Variants in SULF1 observed in about 807,000 individuals in gnomAD.
SULF1 encodes extracellular sulfatase Sulf-1.
SULF1 carries 46 observed loss-of-function variants against 110.5 expected under a neutral mutation model. The ratio of observed to expected loss-of-function variants is 0.42; its 90% CI spans 0.33 to 0.53. The LOEUF (loss-of-function observed/expected upper bound fraction) is 0.53. SULF1 is among the 20% of genes least tolerant of loss of function. The pLI is 0.12. For synonymous variants in SULF1, 371 were observed against 387.1 expected (o/e 0.96, Z 0.49); for missense variants, 941 against 1,094.2 (o/e 0.86, Z 1.98).
chr8:69,628,176 A>G lies in SULF1; in HGVS notation c.2048A>G (p.Tyr683Cys), dbSNP rs1353026539. The G allele has an allele frequency of 6.2e-7, 1 of 1,612,858 alleles. No individual in the cohort carries two copies. The highest frequency in any genetic ancestry group is 8.5e-7 in the Non-Finnish European group (1 of 1,178,786). ...EECSCSKQSY[Y>C]NKEKGVKKQE... ...TTTAATCTTCTCTCCTGCAGCTATT[A>G]CAATAAAGAGAAAGGTGTAAAAAAG... Residue 683 changes from tyrosine (Y) to cysteine (C), a missense_variant, in exon 18 of 23, where the codon TAC becomes TGC. This residue lies in a region of SULF1 where 822 missense variants were observed against 934.3 expected (regional missense o/e 0.88). Coordinates refer to ENST00000402687, the MANE Select transcript of SULF1 (RefSeq NM_001128205.2).
At chr8:69,578,275 G>A (rs1805768735) in intron 6 of SULF1, among the ~76,000 whole-genome samples, 1 of 152,110 alleles carries the variant, frequency 6.6e-6, no homozygotes, top group Admixed American at 6.5e-5. Flanking sequence ...TATTTTTAGA[G>A]GAGCAAATTT....
At chr8:69,560,108 A>T (rs764208273) in intron 3 of SULF1, among the ~76,000 whole-genome samples, 77 of 152,142 alleles carry the variant, frequency 5.1e-4, no homozygotes, top group Non-Finnish European at 9.4e-4. Context: ...AACGTCCCAA[A>T]CTATACTTTG....
chr8:69,583,956 G>A (rs1420526814), intron 6 of SULF1, among the ~76,000 whole-genome samples: 4 of 152,214 alleles, frequency 2.6e-5, no homozygotes, highest in Non-Finnish European at 5.9e-5. Context: ...AGAGAGGTGG[G>A]AACCAGAGAG....
intron 19 of SULF1, among the ~76,000 whole-genome samples, chr8:69,636,608 G>GT (rs1450329619): frequency 1.6e-4 from 24 of 152,192 alleles, no homozygotes; most frequent in Admixed American, 1.5e-3. Flanking sequence ...TCTGCTGGTT[G>GT]TGGAAGTGTT....
At chr8:69,572,847 A>G (rs1476445453) in intron 5 of SULF1, among the ~76,000 whole-genome samples, 4 of 152,166 alleles carry the variant, frequency 2.6e-5, no homozygotes, top group Non-Finnish European at 4.4e-5. Context: ...TGTTTTTATG[A>G]GACAGAGTCT....
chr8:69,538,223 A>C (rs1813583547), intron 3 of SULF1, among the ~76,000 whole-genome samples: 1 of 150,586 alleles, frequency 6.6e-6, no homozygotes, highest in East Asian at 2.0e-4. Context: ...TTTTTCAAGG[A>C]AAAAGCCTGC....
rs578090017 is a variant in SULF1 at position 69,541,604 on chromosome 8, C to G, written c.-133-21935C>G. Among the ~76,000 whole-genome samples, 9 of 152,356 alleles carry G rather than the reference C, an allele frequency of 5.9e-5. No individual in the cohort carries two copies. The South Asian group carries it at 1.9e-3, about 32-fold the overall frequency. The stretch of plus-strand genomic sequence containing the variant: ...ACATTTTTAAAGCAAGCACAGTAAT[C>G]TCTGAACATGTATTTGAAAGTACAG... On this transcript the variant is annotated intron_variant, in intron 3 of 22. Coordinates refer to ENST00000402687, the MANE Select transcript of SULF1 (RefSeq NM_001128205.2).
At chr8:69,523,004 T>C (rs1459097938) in intron 3 of SULF1, among the ~76,000 whole-genome samples, 1 of 152,180 alleles carries the variant, frequency 6.6e-6, no homozygotes, top group Non-Finnish European at 1.5e-5. Context: ...AGAAGCACAG[T>C]AAAATATGTG....
intron 2 of SULF1, among the ~76,000 whole-genome samples, chr8:69,497,824 T>A (rs527669691): frequency 6.6e-6 from 1 of 152,294 alleles, no homozygotes; most frequent in Non-Finnish European, 1.5e-5. Flanking sequence ...AAGTGCTAAC[T>A]GCAGTAACAC....
intron 3 of SULF1, among the ~76,000 whole-genome samples, chr8:69,537,150 C>G (rs575660470): frequency 1.3e-5 from 2 of 152,254 alleles, no homozygotes; most frequent in African/African-American, 2.4e-5. Flanking sequence ...ACTCTGTGCC[C>G]TGGGGAGAGA....
At chr8:69,525,958 C>T (rs1408119296) in intron 3 of SULF1, among the ~76,000 whole-genome samples, 1 of 152,154 alleles carries the variant, frequency 6.6e-6, no homozygotes, top group Non-Finnish European at 1.5e-5. Context: ...TTTCTTGAAG[C>T]TCTTTGGTGT....
At chr8:69,487,593 G>A (rs1163247782) in intron 1 of SULF1, among the ~76,000 whole-genome samples, 5 of 152,198 alleles carry the variant, frequency 3.3e-5, no homozygotes, top group African/African-American at 1.2e-4. Context: ...TAAAATAGAG[G>A]TCTGATGAGC....
chr8:69,596,085 C>A (rs868233129), intron 8 of SULF1, among the ~76,000 whole-genome samples: 1 of 152,160 alleles, frequency 6.6e-6, no homozygotes, highest in African/African-American at 2.4e-5. Flanking sequence ...CATGATCCAG[C>A]GCACTGAGCA....
intron 22 of SULF1, among the ~76,000 whole-genome samples, chr8:69,658,176 C>T (rs1197793334): frequency 5.3e-5 from 8 of 152,198 alleles, no homozygotes; most frequent in Admixed American, 4.6e-4. Context: ...GAGGGACTCA[C>T]TCACATGCTC....
chr8:69,587,074 G>A (rs1179027062), intron 7 of SULF1, among the ~76,000 whole-genome samples: 2 of 152,192 alleles, frequency 1.3e-5, no homozygotes, highest in African/African-American at 4.8e-5. Context: ...TTTCAAATCA[G>A]TTCAGAGAAA....
At chr8:69,560,887 G>A (rs139781205) in intron 3 of SULF1, among the ~76,000 whole-genome samples, 347 of 152,312 alleles carry the variant, frequency 2.3e-3, no homozygotes, top group African/African-American at 7.9e-3. Flanking sequence ...GAGAGGACTC[G>A]TGCTGGCCAG....
chr8:69,622,433 T>G (rs967618766), intron 14 of SULF1, among the ~76,000 whole-genome samples: 1 of 151,884 alleles, frequency 6.6e-6, no homozygotes, highest in African/African-American at 2.4e-5. Flanking sequence ...ACAAAAAAAA[T>G]TAGCTGGGCA....
chr8:69,574,200 GT>G (rs987990286), intron 5 of SULF1, among the ~76,000 whole-genome samples: 1 of 151,838 alleles, frequency 6.6e-6, no homozygotes, highest in Non-Finnish European at 1.5e-5. Context: ...CTCTACCTTT[GT>G]TTTTTTTATT....
At chr8:69,590,436 A>T (rs989778405) in intron 8 of SULF1, among the ~76,000 whole-genome samples, 1 of 152,202 alleles carries the variant, frequency 6.6e-6, no homozygotes. Context: ...AAGTGCTGGG[A>T]TTACAGGCAT....
Sources: allele counts gnomAD v4.1 joint callset (sites outside exome capture counted in the v4.1 genomes callset), GRCh38; gene constraint gnomAD v4.1.1; regional missense constraint gnomAD v4.1.1; transcripts MANE v1.5; gene names NCBI Gene and HGNC (gene_info 2026-07-23, HGNC 2026-07-21).